The following BMPR1B variants were observed in gnomAD, a reference collection of about 807,000 sequenced individuals.
BMPR1B encodes the protein bone morphogenetic protein receptor type-1B.
In BMPR1B, 12 loss-of-function variants were observed where a neutral mutation model predicts 59.1. The observed-to-expected ratio is 0.20, with a 90% confidence interval of 0.13 to 0.33. The LOEUF (loss-of-function observed/expected upper bound fraction) is 0.33. Among genes scored for constraint, BMPR1B ranks in the 10% least tolerant of loss-of-function variants. BMPR1B has a pLI of 1.00. For synonymous variants in BMPR1B, 237 were observed against 207.3 expected (o/e 1.14, Z -1.23); for missense variants, 550 against 610.9 (o/e 0.90, Z 1.05).
intron 2 of BMPR1B, among the ~76,000 whole-genome samples, chr4:94,917,221 G>A (rs747266710): frequency 6.6e-6 from 1 of 152,206 alleles, no homozygotes; most frequent in Non-Finnish European, 1.5e-5. Context: ...TCTGAGGCTG[G>A]AGCCCCCACA....
At chr4:94,909,553 C>T (rs1473994761) in intron 2 of BMPR1B, among the ~76,000 whole-genome samples, 1 of 151,936 alleles carries the variant, frequency 6.6e-6, no homozygotes, top group East Asian at 1.9e-4. Flanking sequence ...AGAACAATCC[C>T]CAGCAAAAAG....
intron 2 of BMPR1B, among the ~76,000 whole-genome samples, chr4:94,893,406 T>C (rs1030406216): frequency 1.3e-5 from 2 of 151,952 alleles, no homozygotes; most frequent in African/African-American, 4.8e-5. Flanking sequence ...GAAAGCAAAT[T>C]TGTGTGAAGT....
At chr4:95,081,297 G>A (rs1363517361) in intron 3 of BMPR1B, among the ~76,000 whole-genome samples, 1 of 151,998 alleles carries the variant, frequency 6.6e-6, no homozygotes, top group African/African-American at 2.4e-5. Context: ...GCGTGAGAAC[G>A]GACTACTACA....
intron 2 of BMPR1B, among the ~76,000 whole-genome samples, chr4:94,912,398 G>T (rs765682150): frequency 6.6e-6 from 1 of 152,142 alleles, no homozygotes; most frequent in Non-Finnish European, 1.5e-5. Flanking sequence ...GTTTTGCTCA[G>T]AGATTCAAGC....
At chr4:94,781,513 A>G (rs1399148605) in intron 1 of BMPR1B, among the ~76,000 whole-genome samples, 1 of 152,008 alleles carries the variant, frequency 6.6e-6, no homozygotes, top group Non-Finnish European at 1.5e-5. Context: ...CCCAGATTCA[A>G]GCGATTCCCC....
intron 2 of BMPR1B, among the ~76,000 whole-genome samples, chr4:94,963,433 G>C (rs1162591144): frequency 2.6e-5 from 4 of 152,082 alleles, no homozygotes; most frequent in Non-Finnish European, 5.9e-5. Flanking sequence ...CAACATCCTG[G>C]AGCATTTCCC....
chr4:95,026,098 A>ATTTCTTTCTTTCCTTCCTTC (rs1455953912), intron 3 of BMPR1B, among the ~76,000 whole-genome samples: 1 of 101,622 alleles, frequency 9.8e-6, no homozygotes, highest in Non-Finnish European at 2.1e-5. Context: ...GCTTTCTTTC[A>ATTTCTTTCTTTCCTTCCTTC]TTTCTTTCTT....
intron 3 of BMPR1B, among the ~76,000 whole-genome samples, chr4:95,072,734 C>CA (rs1316989623): frequency 7.9e-5 from 12 of 152,058 alleles, no homozygotes; most frequent in African/African-American, 2.9e-4. Context: ...TTGTTTATAT[C>CA]ACCATACATA....
chr4:94,925,491 A>G (rs186367748), intron 2 of BMPR1B, among the ~76,000 whole-genome samples: 3 of 152,244 alleles, frequency 2.0e-5, no homozygotes, highest in South Asian at 2.1e-4. Flanking sequence ...CTGGCTTCCA[A>G]ACCTTAGCCA....
intron 1 of BMPR1B, among the ~76,000 whole-genome samples, chr4:94,807,097 C>T (rs28713768): frequency 3.6e-4 from 54 of 151,842 alleles, no homozygotes; most frequent in African/African-American, 1.3e-3. Flanking sequence ...GCTTGTGTCC[C>T]AATTATTCTT....
chr4:94,814,931 T>TA (rs1216968080), intron 1 of BMPR1B, among the ~76,000 whole-genome samples: 1 of 152,110 alleles, frequency 6.6e-6, no homozygotes, highest in African/African-American at 2.4e-5. Flanking sequence ...GAGAAGGAAT[T>TA]TCGCTCTTGT....
At chr4:94,948,742 A>T (rs547076738) in intron 2 of BMPR1B, among the ~76,000 whole-genome samples, 4 of 152,162 alleles carry the variant, frequency 2.6e-5, no homozygotes, top group African/African-American at 4.8e-5. Context: ...TGGGTGGACA[A>T]CAGAATCGCC....
chr4:95,127,776 T>G (rs1733011932), intron 8 of BMPR1B, among the ~76,000 whole-genome samples: 1 of 152,120 alleles, frequency 6.6e-6, no homozygotes, highest in Non-Finnish European at 1.5e-5. Context: ...CTTCAGTGGC[T>G]TCATGGTACA....
intron 3 of BMPR1B, among the ~76,000 whole-genome samples, chr4:95,086,998 C>CTTTTT (rs34460668): frequency 1.9e-5 from 2 of 103,108 alleles, no homozygotes; most frequent in Non-Finnish European, 3.7e-5. Flanking sequence ...TCATATCCTT[C>CTTTTT]TTTTTTTTTT....
chr4:94,981,663 G>C (rs1721094343), intron 2 of BMPR1B, among the ~76,000 whole-genome samples: 3 of 152,186 alleles, frequency 2.0e-5, no homozygotes, highest in Admixed American at 2.0e-4. Context: ...CTTGGAAAAT[G>C]TAACCTATGA....
At chr4:95,037,420 G>A (rs935848563) in intron 3 of BMPR1B, among the ~76,000 whole-genome samples, 3 of 152,112 alleles carry the variant, frequency 2.0e-5, no homozygotes, top group African/African-American at 7.2e-5. Flanking sequence ...GAGAAAAGAG[G>A]TTATTGGAAA....
At chr4:94,964,672 C>A (rs751143170) in intron 2 of BMPR1B, among the ~76,000 whole-genome samples, 1 of 152,140 alleles carries the variant, frequency 6.6e-6, no homozygotes, top group African/African-American at 2.4e-5. Flanking sequence ...TTTGTTGAAT[C>A]CCTAGGGCCT....
At chr4:95,153,619 C>T (rs947474510) in intron 12 of BMPR1B, among the ~76,000 whole-genome samples, 2 of 152,130 alleles carry the variant, frequency 1.3e-5, no homozygotes, top group African/African-American at 4.8e-5. Flanking sequence ...CAGGCCGAGG[C>T]GGGTGGATCA....
At chr4:94,792,132 A>G (rs372467523) in intron 1 of BMPR1B, among the ~76,000 whole-genome samples, 1 of 152,212 alleles carries the variant, frequency 6.6e-6, no homozygotes, top group Non-Finnish European at 1.5e-5. Flanking sequence ...CTTTCTGACG[A>G]TGAAAACATT....
Sources: allele counts gnomAD v4.1 joint callset (sites outside exome capture counted in the v4.1 genomes callset), GRCh38; gene constraint gnomAD v4.1.1; transcripts MANE v1.5; gene names NCBI Gene and HGNC (gene_info 2026-07-23, HGNC 2026-07-21).